The following PREX1 variants were observed in gnomAD, a reference collection of about 807,000 sequenced individuals.
PREX1 encodes the protein phosphatidylinositol-3,4,5-trisphosphate dependent Rac exchange factor 1, also known as phosphatidylinositol 3,4,5-trisphosphate-dependent Rac exchanger 1 protein.
Under a neutral mutation model 198.3 loss-of-function variants are expected in PREX1, and 41 were observed. The ratio of observed to expected loss-of-function variants is 0.21; its 90% CI spans 0.16 to 0.27. The LOEUF is 0.27. Among genes scored for constraint, PREX1 ranks in the 10% least tolerant of loss-of-function variants. PREX1 has a pLI of 1.00. For missense variants in PREX1, 1,620 were observed against 2,200.7 expected (o/e 0.74, Z 5.28); for synonymous variants, 843 against 887.2 (o/e 0.95, Z 0.89).
intron 1 of PREX1, among the ~76,000 whole-genome samples, chr20:48,814,107 C>A (rs967022988): frequency 1.3e-5 from 2 of 152,164 alleles, no homozygotes; most frequent in Middle Eastern, 3.2e-3. Context: ...GCTGCGGCTG[C>A]CCCTACACGT....
the PREX1 span, among the ~76,000 whole-genome samples, chr20:48,856,591 C>T: frequency 1.3e-5 from 2 of 152,224 alleles, no homozygotes; most frequent in African/African-American, 4.8e-5. Flanking sequence ...ACTGAACCAT[C>T]CCATTCCCAG....
intron 6 of PREX1, among the ~76,000 whole-genome samples, chr20:48,707,139 C>G (rs1044438386): frequency 6.6e-6 from 1 of 152,244 alleles, no homozygotes; most frequent in African/African-American, 2.4e-5. Context: ...AACGTTACCA[C>G]GGAAAGCCAA....
chr20:48,821,058 C>A (rs1047933726), intron 1 of PREX1, among the ~76,000 whole-genome samples: 1 of 152,056 alleles, frequency 6.6e-6, no homozygotes, highest in Non-Finnish European at 1.5e-5. Context: ...AAAAAGTAGC[C>A]GGGCATGGTG....
At chr20:48,734,748 A>C in intron 3 of PREX1, 98 bp from the exon 4 acceptor site, 8 of 983,010 alleles carry the variant, frequency 8.1e-6, no homozygotes, top group Non-Finnish European at 1.3e-5. Flanking sequence ...AGGGGTAAGG[A>C]CTACCCTGAC....
At chr20:48,697,251 AAAC>A (rs774493825) in intron 7 of PREX1, among the ~76,000 whole-genome samples, 1 of 152,202 alleles carries the variant, frequency 6.6e-6, no homozygotes, top group Non-Finnish European at 1.5e-5. Flanking sequence ...TACTCTATAA[AAAC>A]AACCCCATGA....
intron 1 of PREX1, among the ~76,000 whole-genome samples, chr20:48,796,266 C>G (rs1455588427): frequency 6.6e-6 from 1 of 151,116 alleles, no homozygotes; most frequent in Admixed American, 6.6e-5. Flanking sequence ...ATGGGCACAA[C>G]CTCAGTGTCC....
chr20:48,882,451 G>A, the PREX1 span, among the ~76,000 whole-genome samples: 57,434 of 139,504 alleles, frequency 0.41, 11,470 homozygotes, highest in Middle Eastern at 0.54. Context: ...GCAATGAGCC[G>A]AGATCGCGCC....
chr20:48,693,167 A>G (rs1358303171), intron 7 of PREX1, among the ~76,000 whole-genome samples: 2 of 150,620 alleles, frequency 1.3e-5, no homozygotes, highest in African/African-American at 5.0e-5. Flanking sequence ...GAATGGAAGG[A>G]GGGCTTGGAA....
intron 23 of PREX1, 30 bp from the exon 24 acceptor site, chr20:48,650,236 A>T: frequency 6.4e-7 from 1 of 1,573,264 alleles, no homozygotes. Context: ...AAGGTCGTGA[A>T]TCACAGGGCA....
intron 1 of PREX1, among the ~76,000 whole-genome samples, chr20:48,759,459 A>G (rs551133034): frequency 6.6e-6 from 1 of 151,314 alleles, no homozygotes; most frequent in Non-Finnish European, 1.5e-5. Context: ...CTAAGACAGG[A>G]GAATCATTTG....
At chr20:48,714,850 G>A (rs578095245) in intron 5 of PREX1, among the ~76,000 whole-genome samples, 1 of 152,294 alleles carries the variant, frequency 6.6e-6, no homozygotes, top group Non-Finnish European at 1.5e-5. Flanking sequence ...AGTTCCTACT[G>A]CTTCACAGTC....
chr20:48,747,722 T>C (rs990947980), intron 2 of PREX1, 87 bp downstream of exon 2: 7 of 1,416,046 alleles, frequency 4.9e-6, no homozygotes, highest in Non-Finnish European at 6.8e-6. Flanking sequence ...TCCCCCTGCA[T>C]GCACACCCTC....
chr20:48,629,941 G>A (rs760165881), intron 36 of PREX1, among the ~76,000 whole-genome samples: 2 of 152,116 alleles, frequency 1.3e-5, no homozygotes, highest in African/African-American at 2.4e-5. Flanking sequence ...CTCCCAGCCT[G>A]TCAAGACCAA....
intron 39 of PREX1, among the ~76,000 whole-genome samples, chr20:48,626,784 T>C (rs968009995): frequency 5.9e-5 from 9 of 152,256 alleles, no homozygotes; most frequent in Admixed American, 3.3e-4. Context: ...TCCATGGAAC[T>C]GTGGACTATT....
the PREX1 span, among the ~76,000 whole-genome samples, chr20:48,840,588 A>T: frequency 6.6e-6 from 1 of 152,208 alleles, no homozygotes. Context: ...GGGCAGTGAC[A>T]GCAGAGATGT....
intron 1 of PREX1, among the ~76,000 whole-genome samples, chr20:48,816,957 T>C (rs116061567): frequency 2.6e-5 from 4 of 152,332 alleles, no homozygotes; most frequent in African/African-American, 7.2e-5. Flanking sequence ...CAGCAACAGA[T>C]AACTAATACG....
chr20:48,753,749 G>A (rs1244744217), intron 1 of PREX1, among the ~76,000 whole-genome samples: 1 of 152,072 alleles, frequency 6.6e-6, no homozygotes, highest in African/African-American at 2.4e-5. Flanking sequence ...GCCTTCGCAC[G>A]TGCTGTTCTT....
At chr20:48,781,595 C>A (rs751043574) in intron 1 of PREX1, among the ~76,000 whole-genome samples, 6 of 152,062 alleles carry the variant, frequency 3.9e-5, no homozygotes, top group Non-Finnish European at 8.8e-5. Context: ...AAGTCAGACA[C>A]CCCCTGCCTC....
chr20:48,699,099 A>G (rs761271), intron 7 of PREX1, among the ~76,000 whole-genome samples: 84,518 of 152,016 alleles, frequency 0.56, 24,936 homozygotes, highest in African/African-American at 0.76. Flanking sequence ...ACACACGGGC[A>G]TGGAGCATCC....
Sources: gnomAD v4.1 joint callset for allele counts (sites outside exome capture counted in the v4.1 genomes callset) on GRCh38, gnomAD v4.1.1 for gene constraint, MANE v1.5 for transcripts, NCBI Gene and HGNC (gene_info 2026-07-23, HGNC 2026-07-21) for gene names.